The following PIP5K1B variants were observed in gnomAD, a reference collection of about 807,000 sequenced individuals.
The protein encoded by PIP5K1B is phosphatidylinositol-4-phosphate 5-kinase type 1 beta.
PIP5K1B carries 42 observed loss-of-function variants against 67.0 expected under a neutral mutation model. The ratio of observed to expected loss-of-function variants is 0.63; its 90% CI spans 0.49 to 0.81. The LOEUF is 0.81. Ranked by LOEUF, PIP5K1B falls within the 30% of genes least tolerant of loss-of-function variation. The probability of loss-of-function intolerance (pLI) is 0.00; values close to 1 mark genes in which losing one functional copy is unlikely to be tolerated. For missense variants in PIP5K1B, 459 were observed against 646.3 expected, an observed-to-expected ratio of 0.71 and a Z score of 3.14; for synonymous variants, 214 against 231.4, an observed-to-expected ratio of 0.92 and a Z score of 0.68.
At chr9:68,954,494 G>A (rs1432811598) in intron 14 of PIP5K1B, among the ~76,000 whole-genome samples, 1 of 152,172 alleles carries the variant, frequency 6.6e-6, no homozygotes, top group Admixed American at 6.5e-5. Flanking sequence ...CTTGTTCAGG[G>A]CAGCCTCTTT....
At chr9:68,862,147 C>G (rs1416791291) in intron 4 of PIP5K1B, among the ~76,000 whole-genome samples, 2 of 152,128 alleles carry the variant, frequency 1.3e-5, no homozygotes, top group East Asian at 3.9e-4. Context: ...TGTAGATGGA[C>G]TAGAGACCTA....
chr9:68,936,396 A>G (rs1336575056), intron 13 of PIP5K1B, among the ~76,000 whole-genome samples: 1 of 151,742 alleles, frequency 6.6e-6, no homozygotes, highest in Non-Finnish European at 1.5e-5. Flanking sequence ...ATTAATCAGG[A>G]AGGAGTACTG....
intron 14 of PIP5K1B, among the ~76,000 whole-genome samples, chr9:68,987,628 T>C (rs567941834): frequency 1.1e-4 from 16 of 152,268 alleles, no homozygotes; most frequent in African/African-American, 3.9e-4. Flanking sequence ...TATTAGTCCA[T>C]TTTCACACTG....
intron 8 of PIP5K1B, 66 bp from the exon 9 acceptor site, chr9:68,917,482 A>G (rs1826159252): frequency 8.9e-7 from 1 of 1,121,524 alleles, no homozygotes; most frequent in Admixed American, 1.7e-5. Flanking sequence ...GAGCTCTCTG[A>G]TAATGAGTAG....
At chr9:68,949,083 A>G (rs1253260087) in intron 14 of PIP5K1B, among the ~76,000 whole-genome samples, 2 of 151,534 alleles carry the variant, frequency 1.3e-5, no homozygotes, top group Non-Finnish European at 3.0e-5. Context: ...CCAATTTTTG[A>G]ATATTTTAAC....
At chr9:68,920,469 G>A (rs1482374741) in intron 11 of PIP5K1B, among the ~76,000 whole-genome samples, 1 of 138,200 alleles carries the variant, frequency 7.2e-6, no homozygotes, top group East Asian at 2.2e-4. Context: ...CCAGGGTCAA[G>A]CAATTCTCTT....
At chr9:68,734,462 C>T (rs1828626509) in intron 1 of PIP5K1B, among the ~76,000 whole-genome samples, 1 of 152,184 alleles carries the variant, frequency 6.6e-6, no homozygotes, top group Non-Finnish European at 1.5e-5. Context: ...AACAAAGGCT[C>T]AAAGCTACGT....
At chr9:68,734,218 G>A (rs890932314) in intron 1 of PIP5K1B, among the ~76,000 whole-genome samples, 7 of 152,128 alleles carry the variant, frequency 4.6e-5, no homozygotes, top group African/African-American at 1.7e-4. Context: ...AAGGCACAAA[G>A]TATATACAGA....
At chr9:68,837,314 C>A (rs1241870895) in intron 4 of PIP5K1B, among the ~76,000 whole-genome samples, 2 of 152,192 alleles carry the variant, frequency 1.3e-5, no homozygotes, top group African/African-American at 4.8e-5. Context: ...TCTTAGACGT[C>A]CCCCCGCTAA....
intron 2 of PIP5K1B, among the ~76,000 whole-genome samples, chr9:68,792,301 G>A (rs1359800124): frequency 6.6e-6 from 1 of 152,158 alleles, no homozygotes. Flanking sequence ...TTAATAGATG[G>A]ATAAATGGAT....
chr9:68,951,805 C>T (rs1828082920), intron 14 of PIP5K1B, among the ~76,000 whole-genome samples: 1 of 152,158 alleles, frequency 6.6e-6, no homozygotes, highest in South Asian at 2.1e-4. Context: ...AAAGAGCAAG[C>T]CGTAGTCCAC....
At chr9:68,857,596 C>T (rs954363622) in intron 4 of PIP5K1B, among the ~76,000 whole-genome samples, 9 of 152,132 alleles carry the variant, frequency 5.9e-5, no homozygotes, top group Non-Finnish European at 1.2e-4. Flanking sequence ...CCAGGTGTGG[C>T]GGCTCACGCC....
intron 4 of PIP5K1B, among the ~76,000 whole-genome samples, chr9:68,829,785 G>A (rs1834183491): frequency 6.6e-6 from 1 of 152,190 alleles, no homozygotes; most frequent in African/African-American, 2.4e-5. Context: ...TTATAGTGCT[G>A]TGAGGATCAA....
intron 15 of PIP5K1B, among the ~76,000 whole-genome samples, chr9:68,999,499 G>GTCAGTCAC (rs1210501906): frequency 2.6e-5 from 4 of 152,230 alleles, no homozygotes; most frequent in Non-Finnish European, 5.9e-5. Context: ...TATGAACAGA[G>GTCAGTCAC]TCAGTCACCT....
At chr9:68,755,803 G>C (rs979999907) in intron 2 of PIP5K1B, among the ~76,000 whole-genome samples, 2 of 152,198 alleles carry the variant, frequency 1.3e-5, no homozygotes, top group Admixed American at 6.5e-5. Context: ...GGAGCCGGAG[G>C]ATGAATCGCA....
rs1357022675 is a variant in PIP5K1B, at chr9:68,941,741, G to T, written c.1502+951G>T. ...TTTCCATCTCCAGGCTAGCAGTTCA[G>T]TTGATTTCCAGGAAGAGGAATCAAT... is the stretch of plus-strand genomic sequence containing the variant. On this transcript the variant is annotated intron_variant, in intron 14 of 15. Transcript: ENST00000265382. Among the ~76,000 whole-genome samples the T allele has an allele frequency of 1.3e-5, 2 of 152,198 alleles. 1 individual carries two copies. Among genetic ancestry groups the T allele is most frequent in the Non-Finnish European group, 2.9e-5 (2 of 68,048 alleles).
chr9:68,951,164 T>C (rs561034867), intron 14 of PIP5K1B, among the ~76,000 whole-genome samples: 8 of 152,364 alleles, frequency 5.3e-5, no homozygotes, highest in African/African-American at 1.9e-4. Context: ...GTGACATGTG[T>C]AATGAAGTAA....
intron 1 of PIP5K1B, among the ~76,000 whole-genome samples, chr9:68,730,310 G>A (rs1415211908): frequency 1.3e-5 from 2 of 152,148 alleles, no homozygotes; most frequent in Admixed American, 6.5e-5. Context: ...ATAATATCCA[G>A]GGTCAACAAG....
chr9:68,823,045 G>A (rs1833808003), intron 4 of PIP5K1B, among the ~76,000 whole-genome samples: 1 of 152,120 alleles, frequency 6.6e-6, no homozygotes, highest in South Asian at 2.1e-4. Context: ...AATGGCCGGT[G>A]GCGTCTTTCC....
Sources: gnomAD v4.1 joint callset for allele counts (sites outside exome capture counted in the v4.1 genomes callset) on GRCh38, gnomAD v4.1.1 for gene constraint, MANE v1.5 for transcripts, NCBI Gene and HGNC (gene_info 2026-07-23, HGNC 2026-07-21) for gene names.